Variants in SPATA22 observed in about 807,000 individuals in gnomAD.
The protein encoded by SPATA22 is spermatogenesis associated 22.
In SPATA22, 29 loss-of-function variants were observed where a neutral mutation model predicts 47.8. The observed-to-expected ratio is 0.61, with a 90% CI of 0.45 to 0.83. SPATA22 has a LOEUF of 0.83. Ranked by LOEUF, SPATA22 falls within the 40% of genes least tolerant of loss-of-function variation. The probability of loss-of-function intolerance (pLI) is 0.00; values close to 1 mark genes in which losing one functional copy is unlikely to be tolerated. For missense variants in SPATA22, 410 were observed against 421.7 expected, an observed-to-expected ratio of 0.97 and a Z score of 0.24; for synonymous variants, 133 against 140.9, an observed-to-expected ratio of 0.94 and a Z score of 0.40.
At position 3,485,756 on chromosome 17, in the gene SPATA22, G is replaced by A. The variant is rs567275926; in HGVS notation, c.-73-16358C>T. 4.6e-5 allele frequency among the ~76,000 whole-genome samples: 7 copies of A among 152,268 alleles called. No homozygotes were observed. The highest frequency in any genetic ancestry group is 4.1e-4 in the South Asian group (2 of 4,822). On this transcript the variant is annotated intron_variant, in intron 1 of 8. Coordinates refer to the SPATA22 transcript ENST00000541913. This position sits in a 1 kb window ranked among gnomAD's most constrained non-coding sequence, Gnocchi z 4.4. Reference sequence around the variant, plus strand: ...AACCATTAGCCTAGCACCTCTGAGTGGATGCCAGTAGAAGACACAAGACTC... The same window carrying A: ...AACCATTAGCCTAGCACCTCTGAGTAGATGCCAGTAGAAGACACAAGACTC...
intron 1 of SPATA22, among the ~76,000 whole-genome samples, chr17:3,495,376 TG>T (rs1311948506): frequency 1.3e-5 from 2 of 152,168 alleles, no homozygotes; most frequent in Non-Finnish European, 2.9e-5. Flanking sequence ...TAATCAGGAT[TG>T]AAAAACACTG....
chr17:3,496,312 A>T (rs765851463), intron 1 of SPATA22, among the ~76,000 whole-genome samples: 7 of 152,274 alleles, frequency 4.6e-5, no homozygotes, highest in Non-Finnish European at 7.3e-5. Context: ...AACAATATGT[A>T]AACCAAATCA....
At chr17:3,457,031 T>C (rs1413396021) in intron 5 of SPATA22, among the ~76,000 whole-genome samples, 2 of 152,056 alleles carry the variant, frequency 1.3e-5, no homozygotes, top group Non-Finnish European at 2.9e-5. Context: ...ATAAATTAGG[T>C]ATTGATGGGA....
intron 3 of SPATA22, among the ~76,000 whole-genome samples, chr17:3,467,072 C>T (rs2073330492): frequency 6.6e-6 from 1 of 152,182 alleles, no homozygotes; most frequent in African/African-American, 2.4e-5. Context: ...CACTTATCCC[C>T]ACTCCTGAGG....
At chr17:3,470,090 T>C (rs1416490597) in intron 1 of SPATA22, among the ~76,000 whole-genome samples, 3 of 33,268 alleles carry the variant, frequency 9.0e-5, no homozygotes, top group Admixed American at 4.7e-4. Context: ...CCAGACTCCA[T>C]CTCAAAAAAA....
intron 6 of SPATA22, 34 bp from the exon 7 acceptor site, chr17:3,446,635 A>G (rs1416364754): frequency 1.4e-6 from 2 of 1,453,844 alleles, no homozygotes; most frequent in Non-Finnish European, 1.8e-6. Flanking sequence ...GTATTAGAAA[A>G]ATATTTGTTT....
intron 1 of SPATA22, chr17:3,489,096 T>C: frequency 3.3e-6 from 2 of 601,830 alleles, no homozygotes; most frequent in Non-Finnish European, 5.8e-6. Flanking sequence ...ATGTCTCAAA[T>C]ATTTTCCATG....
At chr17:3,494,914 C>T (rs1012148034) in intron 1 of SPATA22, among the ~76,000 whole-genome samples, 2 of 152,114 alleles carry the variant, frequency 1.3e-5, no homozygotes, top group Admixed American at 6.5e-5. Context: ...CTATCAATGA[C>T]AGATCCAGAG....
intron 3 of SPATA22, among the ~76,000 whole-genome samples, chr17:3,463,015 C>T (rs1483756596): frequency 6.6e-6 from 1 of 152,130 alleles, no homozygotes; most frequent in Non-Finnish European, 1.5e-5. Context: ...ACAATCAGTT[C>T]TAGTATAGTA....
chr17:3,464,790 C>T, intron 3 of SPATA22, among the ~76,000 whole-genome samples: 1 of 142,584 alleles, frequency 7.0e-6, no homozygotes. Flanking sequence ...CCGGCAGCCG[C>T]CCCGTCTGAG....
chr17:3,471,065 G>T (rs1458720801), intron 1 of SPATA22, among the ~76,000 whole-genome samples: 3 of 151,810 alleles, frequency 2.0e-5, no homozygotes, highest in African/African-American at 7.3e-5. Context: ...TGAGACAGGA[G>T]AATCACTTGA....
At chr17:3,470,775 T>C (rs142696750) in intron 1 of SPATA22, among the ~76,000 whole-genome samples, 1 of 149,548 alleles carries the variant, frequency 6.7e-6, no homozygotes, top group East Asian at 2.0e-4. Flanking sequence ...AAAAAACAAC[T>C]TGGGAAACAC....
chr17:3,509,542 C>T (rs1006960534), intron 1 of SPATA22, among the ~76,000 whole-genome samples: 3 of 152,066 alleles, frequency 2.0e-5, no homozygotes, highest in Non-Finnish European at 2.9e-5. Flanking sequence ...AGATATAACA[C>T]ATTTTCTTTA....
intron 3 of SPATA22, 90 bp from the exon 4 acceptor site, chr17:3,462,857 A>C: frequency 1.8e-6 from 2 of 1,103,914 alleles, no homozygotes; most frequent in Non-Finnish European, 2.7e-6. Flanking sequence ...GGAGGGTTTA[A>C]AAACTTGAAG....
chr17:3,451,624 G>A (rs187020200), intron 5 of SPATA22, among the ~76,000 whole-genome samples: 1 of 152,204 alleles, frequency 6.6e-6, no homozygotes, highest in African/African-American at 2.4e-5. Flanking sequence ...GACCATAATG[G>A]TATAAAACTA....
At chr17:3,506,916 G>C (rs1484508114) in intron 1 of SPATA22, among the ~76,000 whole-genome samples, 1 of 151,108 alleles carries the variant, frequency 6.6e-6, no homozygotes, top group African/African-American at 2.4e-5. Context: ...ACTTCAGCCT[G>C]GGTGACAAGG....
At chr17:3,441,101 C>A (rs2072587679) in intron 8 of SPATA22, 1 of 151,930 alleles carries the variant, frequency 6.6e-6, no homozygotes, top group Non-Finnish European at 1.5e-5. Flanking sequence ...AAAATTAAAG[C>A]ATTCTGAAGT....
intron 1 of SPATA22, among the ~76,000 whole-genome samples, chr17:3,470,250 G>A (rs1243805745): frequency 6.6e-6 from 1 of 151,736 alleles, no homozygotes; most frequent in Non-Finnish European, 1.5e-5. Context: ...AATTTTGCAC[G>A]TTTAGCCCCT....
intron 1 of SPATA22, among the ~76,000 whole-genome samples, chr17:3,477,482 T>G (rs1433160411): frequency 6.6e-6 from 1 of 152,174 alleles, no homozygotes; most frequent in African/African-American, 2.4e-5. Context: ...AGATGGAGTT[T>G]CGCTCTTGTT....
Sources: gnomAD v4.1 joint callset for allele counts (sites outside exome capture counted in the v4.1 genomes callset) on GRCh38, gnomAD v4.1.1 for gene constraint, Gnocchi (gnomAD v3.1) non-coding constraint, MANE v1.5 for transcripts, NCBI Gene and HGNC (gene_info 2026-07-23, HGNC 2026-07-21) for gene names.